MAPK6: variants seen among roughly 807,000 people sequenced by gnomAD.
MAPK6 encodes the protein mitogen-activated protein kinase 6.
Under a neutral mutation model 59.3 loss-of-function variants are expected in MAPK6, and 19 were observed. The observed-to-expected ratio is 0.32, with a 90% CI of 0.22 to 0.47. The LOEUF (loss-of-function observed/expected upper bound fraction) is 0.47. Ranked by LOEUF, MAPK6 falls within the 20% of genes least tolerant of loss-of-function variation. The pLI is 1.00. For synonymous variants in MAPK6, 316 were observed against 290.3 expected, an observed-to-expected ratio of 1.09 and a Z score of -0.90; for missense variants, 724 against 847.9, an observed-to-expected ratio of 0.85 and a Z score of 1.81.
chr15:52,063,830 T>A, intron 5 of MAPK6, 72 bp from the exon 6 acceptor site: 2 of 1,355,658 alleles, frequency 1.5e-6, no homozygotes, highest in Non-Finnish European at 2.0e-6. Flanking sequence ...TGCTGTCACA[T>A]AGAAGGTACT....
chr15:51,978,965 GC>G (rs2057165032), intron 1 of MAPK6, among the ~76,000 whole-genome samples: 1 of 151,368 alleles, frequency 6.6e-6, no homozygotes, highest in South Asian at 2.1e-4. Context: ...AAAAAAATTA[GC>G]CAGGAATAGT....
rs530960641 is a variant in MAPK6 at position 52,054,291 on chromosome 15, C to T, written c.700+4154C>T. On this transcript the variant is annotated intron_variant, in intron 3 of 5. Coordinates refer to ENST00000261845, the MANE Select transcript of MAPK6 (RefSeq NM_002748.4). ...GCTGAGGCAGGAGAATTGCTTGAACCTGGGAGGTGGAGGTTGCAGTGAGCC... is the reference window on the plus strand; with the variant it reads ...GCTGAGGCAGGAGAATTGCTTGAACTTGGGAGGTGGAGGTTGCAGTGAGCC... Among the ~76,000 whole-genome samples the T allele has an allele frequency of 3.8e-5, 5 of 131,582 alleles. No individual in the cohort carries two copies. In the South Asian group the frequency reaches 1.3e-3, roughly 34 times the overall value. The allele number at this position is 131,582 out of a possible 152,430, so 86.3% of individuals were successfully genotyped here. A position where few individuals can be genotyped will look rare whatever the true frequency, so the allele number is the denominator to read the frequency against.
intron 1 of MAPK6, among the ~76,000 whole-genome samples, chr15:52,022,936 C>T (rs1043910440): frequency 4.6e-5 from 7 of 151,584 alleles, no homozygotes; most frequent in South Asian, 2.1e-4. Flanking sequence ...GGTGAAACCC[C>T]GTCTCTAATA....
At chr15:52,016,321 G>A (rs570961193), upstream of MAPK6, among the ~76,000 whole-genome samples, 34 of 148,040 alleles carry the variant, frequency 2.3e-4, no homozygotes, top group South Asian at 4.1e-3. Context: ...CCCGGGAGGC[G>A]GAGGTTGCAG....
intron 2 of MAPK6, among the ~76,000 whole-genome samples, chr15:52,000,743 T>C (rs2057239580): frequency 6.6e-6 from 1 of 151,060 alleles, no homozygotes; most frequent in African/African-American, 2.4e-5. Context: ...GAGGTTGCAG[T>C]GAGCCGAGAT....
chr15:52,057,478 C>T (rs560747180), intron 3 of MAPK6, among the ~76,000 whole-genome samples: 1 of 152,120 alleles, frequency 6.6e-6, no homozygotes. Flanking sequence ...CCTAGAACTC[C>T]TTTCTTTCTT....
At chr15:52,001,839 C>G (rs1036207220) in intron 2 of MAPK6, among the ~76,000 whole-genome samples, 2 of 152,122 alleles carry the variant, frequency 1.3e-5, no homozygotes, top group African/African-American at 4.8e-5. Context: ...AAGAATGACT[C>G]AATTCTGTAG....
intron 3 of MAPK6, among the ~76,000 whole-genome samples, chr15:52,052,088 A>G (rs1018473077): frequency 1.3e-5 from 2 of 152,220 alleles, no homozygotes; most frequent in African/African-American, 4.8e-5. Flanking sequence ...AGCTTAAACA[A>G]CAAACATTTA....
At chr15:52,051,391 C>A (rs905343282) in intron 3 of MAPK6, among the ~76,000 whole-genome samples, 4 of 151,510 alleles carry the variant, frequency 2.6e-5, no homozygotes, top group Non-Finnish European at 5.9e-5. Context: ...TCCCCCCAAC[C>A]CCCAGACGGT....
At chr15:52,016,290 G>T (rs1262160916), upstream of MAPK6, among the ~76,000 whole-genome samples, 1 of 151,124 alleles carries the variant, frequency 6.6e-6, no homozygotes, top group Non-Finnish European at 1.5e-5. Context: ...TCAGGAGGCT[G>T]ACACAGGAGA....
intron 1 of MAPK6, among the ~76,000 whole-genome samples, chr15:52,038,910 T>C (rs1286584178): frequency 1.3e-5 from 2 of 152,206 alleles, no homozygotes; most frequent in Admixed American, 6.5e-5. Context: ...TAAAGAAATA[T>C]AAGACTTGTA....
intron 1 of MAPK6, among the ~76,000 whole-genome samples, chr15:52,039,997 C>T (rs1197006181): frequency 6.6e-6 from 1 of 152,202 alleles, no homozygotes; most frequent in African/African-American, 2.4e-5. Context: ...TTTATACTCC[C>T]AGCCTCCTTG....
At chr15:52,051,542 C>G (rs2031780831) in intron 3 of MAPK6, among the ~76,000 whole-genome samples, 1 of 152,214 alleles carries the variant, frequency 6.6e-6, no homozygotes, top group Non-Finnish European at 1.5e-5. Context: ...GTTTATATAA[C>G]AGCAAGCCAG....
At chr15:52,055,367 A>T (rs187236147) in intron 3 of MAPK6, among the ~76,000 whole-genome samples, 1 of 152,340 alleles carries the variant, frequency 6.6e-6, no homozygotes, top group East Asian at 1.9e-4. Context: ...TGATCATGCC[A>T]CTTACTCCAG....
intron 2 of MAPK6, among the ~76,000 whole-genome samples, chr15:52,000,604 G>A (rs984874804): frequency 2.0e-5 from 3 of 152,048 alleles, no homozygotes; most frequent in African/African-American, 7.3e-5. Context: ...TCAGGAGTTT[G>A]AGACCAGCCT....
At position 52,045,433 on chromosome 15, in the gene MAPK6, T is replaced by G. The variant is rs561399729; in HGVS notation, c.-631-397T>G. Among the ~76,000 whole-genome samples the G allele has an allele frequency of 5.9e-5, 9 of 152,366 alleles. No individual in the cohort carries two copies. In the East Asian group the frequency reaches 1.7e-3, roughly 29 times the overall value. On this transcript the variant is annotated intron_variant, in intron 1 of 5. Transcript: ENST00000261845. ...AGGCATAGTTAATAAGTAAACATGCTTTTTAACAAACTAACACATTGCAGG... is the reference window on the plus strand; with the variant it reads ...AGGCATAGTTAATAAGTAAACATGCGTTTTAACAAACTAACACATTGCAGG...
intron 4 of MAPK6, among the ~76,000 whole-genome samples, chr15:52,059,723 G>C (rs985882444): frequency 1.3e-5 from 2 of 152,170 alleles, no homozygotes; most frequent in African/African-American, 4.8e-5. Context: ...CCACTGACTG[G>C]GGTTTATTAA....
chr15:52,017,411 GGA>G (rs1204975647), upstream of MAPK6: 2 of 152,048 alleles, frequency 1.3e-5, no homozygotes, highest in Non-Finnish European at 2.9e-5. Context: ...TAAGGGTGGG[GGA>G]GATTACAAAG....
upstream of MAPK6, among the ~76,000 whole-genome samples, chr15:52,015,617 C>T (rs183034174): frequency 1.0e-4 from 15 of 150,388 alleles, no homozygotes; most frequent in East Asian, 2.0e-4. Flanking sequence ...AGCTGGGTGG[C>T]GCACGCCACC....
Sources: allele counts gnomAD v4.1 joint callset (sites outside exome capture counted in the v4.1 genomes callset), GRCh38; gene constraint gnomAD v4.1.1; transcripts MANE v1.5; gene names NCBI Gene and HGNC (gene_info 2026-07-23, HGNC 2026-07-21).